HACE1: variants seen among roughly 807,000 people sequenced by gnomAD.
HACE1 encodes the protein E3 ubiquitin-protein ligase HACE1.
In HACE1, 73 loss-of-function variants were observed where a neutral mutation model predicts 118.4. That is an observed-to-expected ratio of 0.62 (90% CI 0.51 to 0.75). HACE1 has a LOEUF of 0.75. HACE1 is among the 30% of genes least tolerant of loss of function. The pLI is 0.00. For synonymous variants in HACE1, 368 were observed against 374.8 expected, an observed-to-expected ratio of 0.98 and a Z score of 0.21; for missense variants, 749 against 1,102.2, an observed-to-expected ratio of 0.68 and a Z score of 4.54.
rs1232164214 is a variant in HACE1, at chr6:104,813,074, C to T, written c.535-1681G>A. 1.5e-5 allele frequency among the ~76,000 whole-genome samples: 2 copies of T among 136,254 alleles called. 1 individual carries two copies. Among genetic ancestry groups the T allele is most frequent in the East Asian group, 4.4e-4 (2 of 4,594 alleles). 89.4% of individuals were successfully genotyped at this position (136,254 alleles called of 152,430 possible). Reference sequence around the variant, plus strand: ...CTCCAGCCTCCATGTTCCAACTAGGCTCCCAGAAATCCAGCAGGCAGGCTT... The same window carrying T: ...CTCCAGCCTCCATGTTCCAACTAGGTTCCCAGAAATCCAGCAGGCAGGCTT... On this transcript the variant is annotated intron_variant, in intron 6 of 23. Transcript: ENST00000262903.
intron 11 of HACE1, among the ~76,000 whole-genome samples, chr6:104,789,535 A>G (rs960245250): frequency 3.9e-5 from 6 of 152,088 alleles, no homozygotes; most frequent in African/African-American, 1.4e-4. Context: ...GGAAAAACAG[A>G]TATCCTTTTC....
chr6:104,771,417 T>C (rs1415111449), intron 18 of HACE1, 28 bp from the exon 19 acceptor site: 7 of 1,500,398 alleles, frequency 4.7e-6, no homozygotes, highest in Non-Finnish European at 3.7e-6. Context: ...ACAGCAGTTA[T>C]AGTCTGGTTT....
intron 3 of HACE1, among the ~76,000 whole-genome samples, chr6:104,849,702 G>A (rs1050109779): frequency 7.3e-5 from 11 of 150,392 alleles, no homozygotes; most frequent in Non-Finnish European, 1.6e-4. Flanking sequence ...AGGCTGGAGT[G>A]CAGTGGTGCG....
At chr6:104,732,939 A>C (rs1022407628) in intron 22 of HACE1, among the ~76,000 whole-genome samples, 1 of 152,244 alleles carries the variant, frequency 6.6e-6, no homozygotes, top group Admixed American at 6.5e-5. Flanking sequence ...TCTTGCTTAT[A>C]AGACACTAAT....
intron 6 of HACE1, among the ~76,000 whole-genome samples, chr6:104,816,186 T>G (rs1191925705): frequency 1.3e-5 from 2 of 152,026 alleles, no homozygotes; most frequent in African/African-American, 4.8e-5. Flanking sequence ...GCTGCAGAAG[T>G]GTACATAAGT....
intron 6 of HACE1, among the ~76,000 whole-genome samples, chr6:104,826,058 G>A (rs1054099019): frequency 6.6e-6 from 1 of 152,182 alleles, no homozygotes; most frequent in Non-Finnish European, 1.5e-5. Flanking sequence ...GATTCTCATA[G>A]GAGCATGAAC....
At chr6:104,842,114 G>T (rs1263233507) in intron 5 of HACE1, among the ~76,000 whole-genome samples, 4 of 152,128 alleles carry the variant, frequency 2.6e-5, no homozygotes, top group Non-Finnish European at 5.9e-5. Context: ...AGACTAGCCT[G>T]GGCATCAAAG....
At chr6:104,801,857 A>G (rs1770396406) in intron 7 of HACE1, among the ~76,000 whole-genome samples, 2 of 152,176 alleles carry the variant, frequency 1.3e-5, no homozygotes, top group Non-Finnish European at 1.5e-5. Flanking sequence ...ACACATAACA[A>G]TATTAACCTT....
intron 5 of HACE1, 86 bp from the exon 6 acceptor site, chr6:104,833,259 C>A: frequency 8.1e-7 from 1 of 1,241,702 alleles, no homozygotes; most frequent in South Asian, 1.2e-5. Context: ...CTCAGCTGGG[C>A]GTGATTTGCA....
At chr6:104,776,852 G>T in intron 16 of HACE1, 24 bp from the exon 17 acceptor site, 2 of 1,531,358 alleles carry the variant, frequency 1.3e-6, no homozygotes, top group Non-Finnish European at 9.1e-7. Flanking sequence ...ATAAAATTAA[G>T]CATCAACAGA....
intron 22 of HACE1, among the ~76,000 whole-genome samples, chr6:104,737,771 A>G (rs1055436541): frequency 2.6e-5 from 4 of 152,214 alleles, no homozygotes; most frequent in African/African-American, 9.6e-5. Flanking sequence ...GCCATTTTCC[A>G]GGCTTGATTA....
In HACE1 at chr6:104,729,584, T is replaced by C; in HGVS notation, c.*78A>G. The stretch of plus-strand genomic sequence containing the variant: ...GCCTATGGGTTGCATTTAGGCTGCT[T>C]TTTTGTTGACATTTTCCCAAATTAC... On this transcript the variant is annotated 3_prime_UTR_variant, in exon 24 of 24. Coordinates refer to ENST00000262903, the MANE Select transcript of HACE1 (RefSeq NM_020771.4). 1.2e-6 allele frequency: 1 copy of C among 816,106 alleles called. No individual in the cohort carries two copies. Among genetic ancestry groups the C allele is most frequent in the Non-Finnish European group, 2.2e-6 (1 of 457,016 alleles). The allele number at this position is 816,106 out of a possible 1,614,324, so 50.6% of individuals were successfully genotyped here.
chr6:104,744,275 G>T, intron 21 of HACE1, 45 bp from the exon 22 acceptor site: 1 of 1,171,924 alleles, frequency 8.5e-7, no homozygotes, highest in Non-Finnish European at 1.3e-6. Context: ...CAGAGCAATT[G>T]TAGACTTCTC....
chr6:104,730,171 C>A, intron 23 of HACE1, 132 bp downstream of exon 23: 1 of 690,682 alleles, frequency 1.4e-6, no homozygotes. Context: ...AATTACTCAT[C>A]AGTGATTCCA....
At position 104,728,409 on chromosome 6, in the gene HACE1, A is replaced by G. The variant is rs1451412313; in HGVS notation, c.*1253T>C. 1 of 152,200 alleles carries G rather than the reference A, an allele frequency of 6.6e-6. No homozygotes were observed. Among genetic ancestry groups the G allele is most frequent in the Non-Finnish European group, 1.5e-5 (1 of 68,028 alleles). 9.4% of individuals were successfully genotyped at this position (152,200 alleles called of 1,614,324 possible). A position where few individuals can be genotyped will look rare whatever the true frequency, so the allele number is the denominator to read the frequency against. On this transcript the variant is annotated 3_prime_UTR_variant, in exon 24 of 24. Transcript: ENST00000262903. Reference sequence around the variant, plus strand: ...TAAATTTCATGTAATCTGTTAAGATATATTTTGTTAACATTTAGAAAAGAC... The same window carrying G: ...TAAATTTCATGTAATCTGTTAAGATGTATTTTGTTAACATTTAGAAAAGAC...
chr6:104,770,672 T>G (rs1780505343), intron 19 of HACE1, among the ~76,000 whole-genome samples: 1 of 152,096 alleles, frequency 6.6e-6, no homozygotes, highest in African/African-American at 2.4e-5. Context: ...TGAGCCGAGA[T>G]CATACCACTG....
At chr6:104,799,388 A>G (rs940841243) in intron 7 of HACE1, among the ~76,000 whole-genome samples, 8 of 152,202 alleles carry the variant, frequency 5.3e-5, no homozygotes, top group Admixed American at 2.6e-4. Context: ...TGATTTCTCT[A>G]CTTTGCTTCC....
rs1050536434 is a variant in HACE1 at position 104,746,849 on chromosome 6, A to G, written c.2344-2239T>C. 4.6e-5 allele frequency among the ~76,000 whole-genome samples: 7 copies of G among 152,320 alleles called. 1 individual carries two copies. In the South Asian group the frequency reaches 1.4e-3, roughly 32 times the overall value. On this transcript the variant is annotated intron_variant, in intron 20 of 23. Transcript: ENST00000262903. ...GCATGTCTTACAATTCATGAGTTTA[A>G]TCCTTTTCCCTTCTAGGCTGAAGAT...
At chr6:104,829,675 T>C (rs1183452085) in intron 6 of HACE1, among the ~76,000 whole-genome samples, 1 of 152,152 alleles carries the variant, frequency 6.6e-6, no homozygotes, top group Non-Finnish European at 1.5e-5. Context: ...TGACCAACTA[T>C]GACAGAATAA....
Sources: allele counts gnomAD v4.1 joint callset (sites outside exome capture counted in the v4.1 genomes callset), GRCh38; gene constraint gnomAD v4.1.1; transcripts MANE v1.5; gene names NCBI Gene and HGNC (gene_info 2026-07-23, HGNC 2026-07-21).